The following SNAP47 variants were observed in gnomAD, a reference collection of about 807,000 sequenced individuals.
The protein encoded by SNAP47 is synaptosome associated protein 47, also known as synaptosomal-associated protein 47.
Under a neutral mutation model 31.4 loss-of-function variants are expected in SNAP47, and 20 were observed. The ratio of observed to expected loss-of-function variants is 0.64; its 90% CI spans 0.45 to 0.93. The LOEUF is 0.93. Ranked by LOEUF, SNAP47 falls within the 40% of genes least tolerant of loss-of-function variation. SNAP47 has a pLI of 0.00. For missense variants in SNAP47, 492 were observed against 528.5 expected (o/e 0.93, Z 0.68); for synonymous variants, 194 against 213.4 (o/e 0.91, Z 0.79).
chr1:227,751,954 A>T (rs1181489216), intron 2 of SNAP47, among the ~76,000 whole-genome samples: 1 of 151,524 alleles, frequency 6.6e-6, no homozygotes, highest in African/African-American at 2.4e-5. Context: ...TTTAGTAGAG[A>T]TGGGGTTTCA....
intron 2 of SNAP47, among the ~76,000 whole-genome samples, chr1:227,758,578 C>T (rs950627796): frequency 2.6e-5 from 4 of 152,174 alleles, no homozygotes; most frequent in Non-Finnish European, 2.9e-5. Flanking sequence ...TCAGTTGTCA[C>T]GTGTGCCTGC....
In SNAP47 at chr1:227,780,927, T is replaced by C. The variant is rs1435834834; in HGVS notation, c.*254T>C. 3.8e-6 allele frequency: 2 copies of C among 522,836 alleles called. No individual in the cohort carries two copies. The highest frequency in any genetic ancestry group is 1.9e-5 in the African/African-American group (1 of 52,232). 32.4% of individuals were successfully genotyped at this position (522,836 alleles called of 1,614,324 possible). On this transcript the variant is annotated 3_prime_UTR_variant, in exon 5 of 5. Coordinates refer to ENST00000617596, the MANE Select transcript of SNAP47 (RefSeq NM_053052.4). ...GCGGATGCTGCAGAAGTGTGGACCA[T>C]GGCGGGACCCCAAGGACACTTGGCA...
At chr1:227,733,751 C>T, upstream of SNAP47, 2 of 1,593,298 alleles carry the variant, frequency 1.3e-6, no homozygotes, top group South Asian at 2.2e-5. Context: ...ACCCCAGAGG[C>T]CTGGTCCAAC....
At chr1:227,739,015 A>G (rs1357498883) in intron 1 of SNAP47, among the ~76,000 whole-genome samples, 7 of 152,112 alleles carry the variant, frequency 4.6e-5, no homozygotes. Context: ...ACCACTGTAT[A>G]CGCAGGAGGC....
chr1:227,738,573 C>T (rs1661390054), intron 1 of SNAP47, among the ~76,000 whole-genome samples: 1 of 152,018 alleles, frequency 6.6e-6, no homozygotes, highest in African/African-American at 2.4e-5. Context: ...TTTTATTTAA[C>T]AATATGCTGT....
In SNAP47 at chr1:227,759,296, A is replaced by G. The variant is rs755621516; in HGVS notation, c.799A>G (p.Ser267Gly). 6.2e-7 allele frequency: 1 copy of G among 1,614,246 alleles called. No homozygotes were observed. The change falls in exon 3 of 5, where the codon AGC (serine) becomes GGC (glycine). Residue 267 changes from serine to glycine, a missense_variant. By Grantham distance (56) the Ser-to-Gly change is moderately conservative (BLOSUM62 0). Coordinates refer to ENST00000617596, the MANE Select transcript of SNAP47 (RefSeq NM_053052.4). ...DIKVHSPYEISIRQRFIGKPD... is the reference protein window; with the variant it reads ...DIKVHSPYEIGIRQRFIGKPD... ...CAAGGTCCACTCACCTTACGAAATT[A>G]GCATCCGCCAGCGGTTTATTGGAAA...
At chr1:227,776,462 C>T (rs1664165640) in intron 4 of SNAP47, 4 of 985,956 alleles carry the variant, frequency 4.1e-6, no homozygotes, top group South Asian at 4.7e-5. Context: ...TGATTTGCGC[C>T]TCGCCTCTGA....
chr1:227,772,892 G>T (rs990680872), intron 4 of SNAP47, among the ~76,000 whole-genome samples: 2 of 152,118 alleles, frequency 1.3e-5, no homozygotes, highest in African/African-American at 4.8e-5. Flanking sequence ...TTTATCTCTG[G>T]TTTCTCACTT....
chr1:227,769,218 G>T (rs569395073), intron 4 of SNAP47, among the ~76,000 whole-genome samples: 1 of 152,142 alleles, frequency 6.6e-6, no homozygotes, highest in Non-Finnish European at 1.5e-5. Flanking sequence ...CTCAACACCG[G>T]GAGGAACAGG....
upstream of SNAP47, chr1:227,733,775 GCCCC>G: frequency 6.3e-7 from 1 of 1,582,030 alleles, no homozygotes; most frequent in Non-Finnish European, 8.6e-7. Context: ...AGGAGGGGTG[GCCCC>G]TTGGTCTCAA....
At position 227,729,381 on chromosome 1, in the gene SNAP47, C is replaced by T. The variant is rs147944685; in HGVS notation, c.-95+595C>T. On this transcript the variant is annotated intron_variant, in intron 1 of 3. Transcript: ENST00000366760. ...AAGTCACTGACTTGGAAACCAGGGCCTGCCTTCTTTCTGCCTGGGGACCCA... is the reference window on the plus strand; with the variant it reads ...AAGTCACTGACTTGGAAACCAGGGCTTGCCTTCTTTCTGCCTGGGGACCCA... 8.9e-4 allele frequency among the ~76,000 whole-genome samples: 135 copies of T among 152,320 alleles called. 3 individuals are homozygous for T. In the East Asian group the frequency reaches 0.025, roughly 28 times the overall value.
intron 4 of SNAP47, chr1:227,777,199 T>G: frequency 1.1e-5 from 7 of 642,084 alleles, no homozygotes; most frequent in Non-Finnish European, 1.4e-5. Flanking sequence ...TACATACTCA[T>G]GGGTTACGTA....
rs541880237 is a variant in SNAP47 at position 227,763,586 on chromosome 1, G to T, written c.989-3373G>T. ...GAGCCTGCTGTGGCACCGCGGGCTC[G>T]GGTTGGGCTGACTGGGGAGCCTGGG... is the stretch of plus-strand genomic sequence containing the variant. On this transcript the variant is annotated intron_variant, in intron 3 of 4. Transcript: ENST00000617596. This position sits in a 1 kb window ranked among gnomAD's most constrained non-coding sequence, Gnocchi z 4.2. Among the ~76,000 whole-genome samples, 5 of 152,198 alleles carry T rather than the reference G, an allele frequency of 3.3e-5. No individual in the cohort carries two copies. Among genetic ancestry groups the T allele is most frequent in the African/African-American group, 1.2e-4 (5 of 41,450 alleles).
intron 4 of SNAP47, among the ~76,000 whole-genome samples, chr1:227,775,310 G>A (rs1664089787): frequency 6.6e-6 from 1 of 152,242 alleles, no homozygotes; most frequent in Non-Finnish European, 1.5e-5. Flanking sequence ...GTTGTAGACA[G>A]CTTGATTTAT....
At position 227,754,677 on chromosome 1, in the gene SNAP47, G is replaced by A. The variant is rs367994744; in HGVS notation, c.498-4318G>A. 1.2e-4 allele frequency among the ~76,000 whole-genome samples: 19 copies of A among 152,262 alleles called. No homozygotes were observed. In the East Asian group the frequency reaches 2.9e-3, roughly 23 times the overall value. ...TTGTGTGCTTGGCAGGTCACCTCACGGCACTGTGATCAGAGCTGGTGGCCT... is the reference window on the plus strand; with the variant it reads ...TTGTGTGCTTGGCAGGTCACCTCACAGCACTGTGATCAGAGCTGGTGGCCT... On this transcript the variant is annotated intron_variant, in intron 2 of 4. Transcript: ENST00000617596.
intron 2 of SNAP47, among the ~76,000 whole-genome samples, chr1:227,748,782 G>A (rs1287909093): frequency 5.9e-5 from 9 of 152,268 alleles, no homozygotes. Flanking sequence ...GTCTCTGTGA[G>A]TGAGGTGTCT....
chr1:227,736,688 T>G (rs1228381883), intron 1 of SNAP47, among the ~76,000 whole-genome samples: 1 of 89,412 alleles, frequency 1.1e-5, no homozygotes, highest in Non-Finnish European at 2.1e-5. Flanking sequence ...TTGTTTTTGT[T>G]TTTTTTTTTT....
intron 4 of SNAP47, chr1:227,770,456 A>C (rs1663729040): frequency 6.5e-6 from 1 of 153,722 alleles, no homozygotes. Context: ...TCCCATGTGG[A>C]CCAGTTCTGG....
At position 227,762,368 on chromosome 1, in the gene SNAP47, C is replaced by T. The variant is rs536846021; in HGVS notation, c.988+2883C>T. Among the ~76,000 whole-genome samples, 145 of 152,302 alleles carry T rather than the reference C, an allele frequency of 9.5e-4. No individual in the cohort carries two copies. Among genetic ancestry groups the T allele is most frequent in the African/African-American group, 2.9e-3 (119 of 41,576 alleles). On this transcript the variant is annotated intron_variant, in intron 3 of 4. Transcript: ENST00000617596. This position sits in a 1 kb window ranked among gnomAD's most constrained non-coding sequence, Gnocchi z 4.2. The stretch of plus-strand genomic sequence containing the variant: ...GCCTGGTGCTATGTTAGCAAGAAGG[C>T]GGCGCCCCGTTTGATGGGAGCTCAG...
Sources: gnomAD v4.1 joint callset for allele counts (sites outside exome capture counted in the v4.1 genomes callset) on GRCh38, gnomAD v4.1.1 for gene constraint, Gnocchi (gnomAD v3.1) non-coding constraint, MANE v1.5 for transcripts, NCBI Gene and HGNC (gene_info 2026-07-23, HGNC 2026-07-21) for gene names.